The following THSD7B variants were observed in gnomAD, a reference collection of about 807,000 sequenced individuals.
THSD7B encodes the protein thrombospondin type-1 domain-containing protein 7B.
Under a neutral mutation model 213.6 loss-of-function variants are expected in THSD7B, and 138 were observed. The ratio of observed to expected loss-of-function variants is 0.65; its 90% CI spans 0.56 to 0.74. The LOEUF (loss-of-function observed/expected upper bound fraction) is 0.74. Ranked by LOEUF, THSD7B falls within the 30% of genes least tolerant of loss-of-function variation. THSD7B has a pLI of 0.00. For synonymous variants in THSD7B, 742 were observed against 687.0 expected (o/e 1.08, Z -1.25); for missense variants, 1,931 against 1,991.5 (o/e 0.97, Z 0.58).
chr2:137,581,787 AAT>A (rs1283665063), intron 17 of THSD7B, among the ~76,000 whole-genome samples: 1 of 117,886 alleles, frequency 8.5e-6, no homozygotes, highest in Non-Finnish European at 1.8e-5. Flanking sequence ...AAAAAAAAAT[AAT>A]AATAAATAAT....
intron 15 of THSD7B, among the ~76,000 whole-genome samples, chr2:137,455,037 T>C (rs934141410): frequency 6.6e-6 from 1 of 152,198 alleles, no homozygotes; most frequent in Non-Finnish European, 1.5e-5. Context: ...TGTGTGTATG[T>C]GTTTATGTAA....
At chr2:137,533,413 A>G (rs1680437014) in intron 15 of THSD7B, among the ~76,000 whole-genome samples, 1 of 151,906 alleles carries the variant, frequency 6.6e-6, no homozygotes, top group Non-Finnish European at 1.5e-5. Flanking sequence ...CTCACCTAAA[A>G]TTAATAACTG....
At chr2:137,620,108 T>C (rs559725579) in intron 19 of THSD7B, among the ~76,000 whole-genome samples, 1 of 152,376 alleles carries the variant, frequency 6.6e-6, no homozygotes, top group Non-Finnish European at 1.5e-5. Context: ...AACGGTATCA[T>C]CAACTTGACC....
At chr2:136,944,658 T>C (rs1220360432) in intron 2 of THSD7B, among the ~76,000 whole-genome samples, 8 of 152,168 alleles carry the variant, frequency 5.3e-5, no homozygotes, top group Non-Finnish European at 1.0e-4. Context: ...TTGTCTCTTT[T>C]GAACTTTGTT....
At chr2:137,615,287 T>G (rs1682362993) in intron 17 of THSD7B, among the ~76,000 whole-genome samples, 1 of 152,222 alleles carries the variant, frequency 6.6e-6, no homozygotes, top group African/African-American at 2.4e-5. Context: ...CAGAATTTCC[T>G]AAGCATGAGT....
intron 2 of THSD7B, among the ~76,000 whole-genome samples, chr2:137,053,513 A>G (rs1157818133): frequency 3.3e-5 from 5 of 152,094 alleles, no homozygotes; most frequent in Non-Finnish European, 7.4e-5. Context: ...TAAAGTTTAA[A>G]ATAGTAATGA....
intron 12 of THSD7B, among the ~76,000 whole-genome samples, chr2:137,308,293 T>G (rs1327925455): frequency 6.6e-6 from 1 of 151,934 alleles, no homozygotes; most frequent in Non-Finnish European, 1.5e-5. Flanking sequence ...TGTGTGATGA[T>G]TTTACCGGCT....
chr2:137,288,902 G>T (rs1683250167), intron 12 of THSD7B, among the ~76,000 whole-genome samples: 1 of 151,936 alleles, frequency 6.6e-6, no homozygotes, highest in South Asian at 2.1e-4. Flanking sequence ...GAGGCAAACT[G>T]GTGTGATGAA....
intron 17 of THSD7B, among the ~76,000 whole-genome samples, chr2:137,584,701 G>C (rs941841877): frequency 2.0e-5 from 3 of 152,128 alleles, no homozygotes; most frequent in Non-Finnish European, 4.4e-5. Context: ...TGATCATGGT[G>C]GATAAGGTTT....
At chr2:137,458,845 A>G (rs1427865011) in intron 15 of THSD7B, among the ~76,000 whole-genome samples, 2 of 152,184 alleles carry the variant, frequency 1.3e-5, no homozygotes, top group Non-Finnish European at 1.5e-5. Flanking sequence ...TAAACTTTTC[A>G]TAAAGATCAG....
chr2:137,411,237 T>C (rs1377982408), intron 13 of THSD7B, among the ~76,000 whole-genome samples: 2 of 152,216 alleles, frequency 1.3e-5, no homozygotes, highest in African/African-American at 2.4e-5. Context: ...GATGCTTTCA[T>C]TGGTTCCCTG....
intron 12 of THSD7B, among the ~76,000 whole-genome samples, chr2:137,372,335 T>C (rs1685551202): frequency 1.5e-5 from 2 of 136,212 alleles, no homozygotes; most frequent in South Asian, 4.4e-4. Flanking sequence ...TTTTTTTTTT[T>C]TTTTTTTTTT....
chr2:137,368,835 G>C (rs1685479588), intron 12 of THSD7B, among the ~76,000 whole-genome samples: 1 of 151,918 alleles, frequency 6.6e-6, no homozygotes, highest in African/African-American at 2.4e-5. Context: ...ATTTGCATTT[G>C]CAATCATGAC....
Position 137,676,604 on chromosome 2 carries a change from A to AATC in THSD7B, c.4821_*2dup, listed in dbSNP as rs748382152. The AATC allele has an allele frequency of 3.8e-6, 6 of 1,570,018 alleles. No homozygotes were observed. The highest frequency in any genetic ancestry group is 1.2e-5 in the South Asian group (1 of 84,038). ...GCCTACGATGGAGACTTAGACATGT[A>AATC]ATCTGAAAAAGAAATCCAAATGTAG... On this transcript the variant is annotated inframe_insertion and stop_retained_variant, in exon 28 of 28. Transcript: ENST00000409968.
intron 14 of THSD7B, among the ~76,000 whole-genome samples, chr2:137,444,254 G>T (rs2105057556): frequency 6.6e-6 from 1 of 152,016 alleles, no homozygotes; most frequent in Non-Finnish European, 1.5e-5. Context: ...AAGGCAAGCT[G>T]GTAACTCTAT....
chr2:137,537,130 A>G (rs1478826812), intron 15 of THSD7B, among the ~76,000 whole-genome samples: 2 of 151,814 alleles, frequency 1.3e-5, no homozygotes, highest in Admixed American at 6.6e-5. Flanking sequence ...CTAAATTCCA[A>G]TGCATGGGCA....
intron 3 of THSD7B, among the ~76,000 whole-genome samples, chr2:137,075,548 G>A (rs577688739): frequency 6.6e-5 from 10 of 152,100 alleles, no homozygotes; most frequent in South Asian, 2.1e-4. Context: ...CCTGTAGCTC[G>A]GAGTAGTTTG....
In THSD7B at chr2:137,352,160, A is replaced by AAGG. The variant is rs375942528; in HGVS notation, c.2501-53434_2501-53432dup. 4.8e-4 allele frequency among the ~76,000 whole-genome samples: 72 copies of AAGG among 151,042 alleles called. 1 individual carries two copies. The East Asian group carries it at 0.01, about 22-fold the overall frequency. On this transcript the variant is annotated intron_variant, in intron 12 of 27. Transcript: ENST00000409968. ...GAGAAGGGGGCAGGGGTGAGGGGAG[A>AAGG]AGGAGGAGGAGGAGGAGGAGGGAAA...
chr2:137,240,749 A>G (rs1402655344), intron 9 of THSD7B, among the ~76,000 whole-genome samples: 1 of 152,156 alleles, frequency 6.6e-6, no homozygotes, highest in Non-Finnish European at 1.5e-5. Context: ...TTCTGGCCTC[A>G]AGCAATACTC....
Sources: allele counts gnomAD v4.1 joint callset (sites outside exome capture counted in the v4.1 genomes callset), GRCh38; gene constraint gnomAD v4.1.1; transcripts MANE v1.5; gene names NCBI Gene and HGNC (gene_info 2026-07-23, HGNC 2026-07-21).